PLCG2: variants seen among roughly 807,000 people sequenced by gnomAD.
The protein encoded by PLCG2 is 1-phosphatidylinositol 4,5-bisphosphate phosphodiesterase gamma-2.
A neutral mutation model predicts 175.6 loss-of-function variants in PLCG2; 69 were observed. The ratio of observed to expected loss-of-function variants is 0.39; its 90% CI spans 0.32 to 0.48. The LOEUF is 0.48. Ranked by LOEUF, PLCG2 falls within the 20% of genes least tolerant of loss-of-function variation. The pLI is 0.91. For missense variants in PLCG2, 1,798 were observed against 1,650.9 expected, an observed-to-expected ratio of 1.09 and a Z score of -1.54; for synonymous variants, 827 against 624.0, an observed-to-expected ratio of 1.33 and a Z score of -4.85.
chr16:81,937,659 G>A, intron 27 of PLCG2, 99 bp from the exon 28 acceptor site: 2 of 1,019,822 alleles, frequency 2.0e-6, no homozygotes, highest in Non-Finnish European at 2.9e-6. Flanking sequence ...ACATTAATTT[G>A]GGGAAAAGGT....
intron 2 of PLCG2, among the ~76,000 whole-genome samples, chr16:81,817,098 G>A (rs184639514): frequency 2.3e-4 from 35 of 152,234 alleles, no homozygotes; most frequent in African/African-American, 7.7e-4. Context: ...GGGGAGAGAC[G>A]GATGGTAAAC....
At chr16:81,857,318 G>T (rs1044725258) in intron 3 of PLCG2, among the ~76,000 whole-genome samples, 1 of 152,160 alleles carries the variant, frequency 6.6e-6, no homozygotes, top group Non-Finnish European at 1.5e-5. Flanking sequence ...TGGACACCTG[G>T]GTTTGAATTC....
rs115570507 is a variant in PLCG2, at chr16:81,889,159, T to G, written c.766-13T>G. 5.3e-5 allele frequency: 81 copies of G among 1,527,830 alleles called. No individual in the cohort carries two copies. In the African/African-American group the frequency reaches 9.5e-4, roughly 18 times the overall value. The allele number at this position is 1,527,830 out of a possible 1,614,324, so 94.6% of individuals were successfully genotyped here. On this transcript the variant is annotated splice_polypyrimidine_tract_variant and intron_variant, in intron 9 of 32. Transcript: ENST00000564138. ...TCACTTTGCTGATCTCTCGTTCTCT[T>G]TGTCATTTTAAGGAGCATTGGGCTC...
chr16:81,861,858 G>A (rs1020404497), intron 5 of PLCG2, among the ~76,000 whole-genome samples: 1 of 152,162 alleles, frequency 6.6e-6, no homozygotes, highest in Admixed American at 6.5e-5. Context: ...GAGGCATTCT[G>A]GCAAGTCCTG....
chr16:81,952,246 T>G (rs902376664), intron 31 of PLCG2, among the ~76,000 whole-genome samples: 2 of 152,050 alleles, frequency 1.3e-5, no homozygotes, highest in African/African-American at 4.8e-5. Flanking sequence ...CAATATAAAC[T>G]CAAGTTACAT....
chr16:81,796,857 G>T (rs931035340), intron 2 of PLCG2, among the ~76,000 whole-genome samples: 1 of 152,212 alleles, frequency 6.6e-6, no homozygotes, highest in Non-Finnish European at 1.5e-5. Context: ...ACAAACTTCT[G>T]TTGTTTCGGC....
At chr16:81,745,421 G>C (rs1376755299) in intron 1 of PLCG2, among the ~76,000 whole-genome samples, 1 of 152,116 alleles carries the variant, frequency 6.6e-6, no homozygotes, top group African/African-American at 2.4e-5. Context: ...GTTGAATTTT[G>C]CTCAGTTTCA....
intron 2 of PLCG2, among the ~76,000 whole-genome samples, chr16:81,847,579 G>C (rs1906192115): frequency 6.6e-6 from 1 of 152,166 alleles, no homozygotes; most frequent in Non-Finnish European, 1.5e-5. Flanking sequence ...TTGTGTGCCA[G>C]AAAATGGGGT....
chr16:81,854,002 C>T (rs1906554556), intron 2 of PLCG2, among the ~76,000 whole-genome samples: 1 of 152,084 alleles, frequency 6.6e-6, no homozygotes, highest in South Asian at 2.1e-4. Flanking sequence ...GCTTTTGGGA[C>T]TCAAGGGAAA....
chr16:81,808,478 A>G (rs1288395767), intron 2 of PLCG2, among the ~76,000 whole-genome samples: 1 of 151,950 alleles, frequency 6.6e-6, no homozygotes. Flanking sequence ...CCACTGTGCA[A>G]TCTTTTTATT....
chr16:81,871,697 C>T (rs1907524456), intron 7 of PLCG2, among the ~76,000 whole-genome samples: 1 of 152,090 alleles, frequency 6.6e-6, no homozygotes, highest in South Asian at 2.1e-4. Context: ...AAATAATAGA[C>T]TATTTAAAAA....
At chr16:81,867,674 C>G (rs915553346) in intron 5 of PLCG2, among the ~76,000 whole-genome samples, 3 of 151,948 alleles carry the variant, frequency 2.0e-5, no homozygotes, top group Non-Finnish European at 4.4e-5. Flanking sequence ...TTGCCTGGGA[C>G]GTGTTCTCCC....
At chr16:81,747,328 T>G (rs1050898869) in intron 1 of PLCG2, among the ~76,000 whole-genome samples, 2 of 151,954 alleles carry the variant, frequency 1.3e-5, no homozygotes, top group Non-Finnish European at 2.9e-5. Context: ...TGAGGTTAGG[T>G]GTTTGAGACC....
chr16:81,831,567 T>G (rs566300977), intron 2 of PLCG2, among the ~76,000 whole-genome samples: 1 of 152,282 alleles, frequency 6.6e-6, no homozygotes, highest in East Asian at 1.9e-4. Context: ...CATACTCCAG[T>G]TGGGACCCCT....
At chr16:81,872,161 C>G (rs887028959) in intron 7 of PLCG2, among the ~76,000 whole-genome samples, 4 of 152,136 alleles carry the variant, frequency 2.6e-5, no homozygotes, top group Non-Finnish European at 4.4e-5. Flanking sequence ...AACCCCATCT[C>G]TACTAAAAAT....
intron 2 of PLCG2, among the ~76,000 whole-genome samples, chr16:81,789,344 G>A (rs1341078566): frequency 6.6e-6 from 1 of 152,228 alleles, no homozygotes; most frequent in Non-Finnish European, 1.5e-5. Flanking sequence ...AGGCTAGAGA[G>A]CAATGGCCTG....
At chr16:81,749,482 A>T (rs1442809444) in intron 1 of PLCG2, among the ~76,000 whole-genome samples, 1 of 152,012 alleles carries the variant, frequency 6.6e-6, no homozygotes, top group Non-Finnish European at 1.5e-5. Context: ...CCTCCTGAGT[A>T]GCTGGGATTA....
intron 3 of PLCG2, among the ~76,000 whole-genome samples, chr16:81,856,366 G>C (rs888880127): frequency 4.6e-5 from 7 of 152,190 alleles, no homozygotes; most frequent in African/African-American, 1.7e-4. Context: ...ATGTTACACA[G>C]CCCTGAAGTG....
At chr16:81,934,563 C>T in intron 26 of PLCG2, 32 bp downstream of exon 26, 1 of 1,284,824 alleles carries the variant, frequency 7.8e-7, no homozygotes, top group South Asian at 1.2e-5. Context: ...TGCCCTATAA[C>T]TCCAATGAAA....
Sources: allele counts gnomAD v4.1 joint callset (sites outside exome capture counted in the v4.1 genomes callset), GRCh38; gene constraint gnomAD v4.1.1; transcripts MANE v1.5; gene names NCBI Gene and HGNC (gene_info 2026-07-23, HGNC 2026-07-21).